The following NAV2 variants were observed in gnomAD, a reference collection of about 807,000 sequenced individuals.
NAV2 encodes helicase, APC down-regulated 1.
In NAV2, 54 loss-of-function variants were observed where a neutral mutation model predicts 223.2. That is an observed-to-expected ratio of 0.24 (90% CI 0.19 to 0.30). The LOEUF (loss-of-function observed/expected upper bound fraction) is 0.30. Ranked by LOEUF, NAV2 falls within the 10% of genes least tolerant of loss-of-function variation. The probability of loss-of-function intolerance (pLI) is 1.00; values close to 1 mark genes in which losing one functional copy is unlikely to be tolerated. For missense variants in NAV2, 2,806 were observed against 3,147.5 expected (o/e 0.89, Z 2.60); for synonymous variants, 1,279 against 1,239.3 (o/e 1.03, Z -0.67).
intron 8 of NAV2, among the ~76,000 whole-genome samples, chr11:19,941,077 T>G (rs1317580991): frequency 6.6e-6 from 1 of 152,166 alleles, no homozygotes; most frequent in Non-Finnish European, 1.5e-5. Context: ...GCAGTGTGGA[T>G]TCCTGTCAGA....
At chr11:20,025,241 G>A (rs1378907351) in intron 11 of NAV2, among the ~76,000 whole-genome samples, 1 of 152,210 alleles carries the variant, frequency 6.6e-6, no homozygotes. Flanking sequence ...ATGGGATGGT[G>A]CTTAGCATGG....
chr11:19,991,220 G>A (rs755825770), intron 11 of NAV2, among the ~76,000 whole-genome samples: 2 of 152,068 alleles, frequency 1.3e-5, no homozygotes, highest in Non-Finnish European at 2.9e-5. Flanking sequence ...CCTCCACCCC[G>A]GCTCAAGTGA....
chr11:20,051,663 C>T (rs149817864), intron 17 of NAV2, among the ~76,000 whole-genome samples: 1 of 152,324 alleles, frequency 6.6e-6, no homozygotes, highest in East Asian at 1.9e-4. Context: ...CATGACCATT[C>T]TGTTAACATG....
intron 1 of NAV2, among the ~76,000 whole-genome samples, chr11:19,382,532 G>A (rs1445492520): frequency 6.6e-6 from 1 of 152,166 alleles, no homozygotes; most frequent in Non-Finnish European, 1.5e-5. Context: ...ACATGACTTT[G>A]CTTCACGGCA....
chr11:19,350,843 G>A, exon 1 of NAV2: 1 of 1,055,580 alleles, frequency 9.5e-7, no homozygotes, highest in East Asian at 2.6e-5. Flanking sequence ...TTCCTTGGCT[G>A]GCGGGAACTC....
Position 19,732,997 on chromosome 11 carries a change from C to G in NAV2, c.267+19035C>G, listed in dbSNP as rs113050167. On this transcript the variant is annotated intron_variant, in intron 1 of 37. Transcript: ENST00000349880. Reference sequence around the variant, plus strand: ...TGGATGCTAGTTTTATTGTCTTGAACACAAAAGCAGCTTTGAAAATGTGGT... The same window carrying G: ...TGGATGCTAGTTTTATTGTCTTGAAGACAAAAGCAGCTTTGAAAATGTGGT... 4.2e-3 allele frequency among the ~76,000 whole-genome samples: 643 copies of G among 152,344 alleles called. 1 individual carries two copies. Among genetic ancestry groups the G allele is most frequent in the South Asian group, 8.9e-3 (43 of 4,828 alleles).
At chr11:19,412,287 C>T (rs961098991) in intron 1 of NAV2, among the ~76,000 whole-genome samples, 3 of 152,206 alleles carry the variant, frequency 2.0e-5, no homozygotes, top group Non-Finnish European at 4.4e-5. Flanking sequence ...TTTCCCCTCA[C>T]AGTGTAAATA....
At chr11:19,356,307 C>T (rs950071023) in intron 1 of NAV2, among the ~76,000 whole-genome samples, 1 of 152,142 alleles carries the variant, frequency 6.6e-6, no homozygotes, top group African/African-American at 2.4e-5. Flanking sequence ...CAGACCAATT[C>T]CCAGCCTTCA....
chr11:19,595,506 A>G (rs1349474818), intron 1 of NAV2, among the ~76,000 whole-genome samples: 2 of 152,050 alleles, frequency 1.3e-5, no homozygotes, highest in Non-Finnish European at 2.9e-5. Flanking sequence ...GGGGTTTTAC[A>G]ACTTGATCAA....
intron 1 of NAV2, among the ~76,000 whole-genome samples, chr11:19,556,359 A>T (rs2044890532): frequency 6.6e-6 from 1 of 152,240 alleles, no homozygotes; most frequent in Non-Finnish European, 1.5e-5. Context: ...GGTTAGCAAC[A>T]CAGGCTACAA....
At chr11:20,089,917 G>T (rs929527980) in intron 26 of NAV2, among the ~76,000 whole-genome samples, 19 of 152,158 alleles carry the variant, frequency 1.2e-4, no homozygotes, top group African/African-American at 4.6e-4. Context: ...GTGCAGCAGG[G>T]AAAAGAAGAT....
At chr11:20,005,426 A>G (rs1298784925) in intron 11 of NAV2, among the ~76,000 whole-genome samples, 1 of 151,756 alleles carries the variant, frequency 6.6e-6, no homozygotes, top group Non-Finnish European at 1.5e-5. Flanking sequence ...TTATATTTTT[A>G]GTAGAGATAG....
chr11:19,687,980 C>G (rs185921809), intron 1 of NAV2, among the ~76,000 whole-genome samples: 153 of 152,306 alleles, frequency 1.0e-3, no homozygotes, highest in Admixed American at 2.4e-3. Context: ...CATCCTCCAT[C>G]CAGGTGAAGT....
intron 1 of NAV2, among the ~76,000 whole-genome samples, chr11:19,447,763 G>A (rs1255383215): frequency 6.6e-6 from 1 of 152,168 alleles, no homozygotes; most frequent in Non-Finnish European, 1.5e-5. Flanking sequence ...GAACTGGGTT[G>A]ACTTGTAAGA....
chr11:19,524,198 A>G (rs2043772809), intron 1 of NAV2, among the ~76,000 whole-genome samples: 1 of 152,170 alleles, frequency 6.6e-6, no homozygotes, highest in Non-Finnish European at 1.5e-5. Context: ...CCAAGCCAGT[A>G]TTTGTTGAGT....
intron 1 of NAV2, among the ~76,000 whole-genome samples, chr11:19,548,017 A>G (rs1030711403): frequency 6.6e-6 from 1 of 152,198 alleles, no homozygotes; most frequent in African/African-American, 2.4e-5. Flanking sequence ...CCAGCCACAC[A>G]TCACCTAGCT....
Position 20,045,178 on chromosome 11 carries a change from C to A in NAV2, c.3410C>A (p.Ala1137Asp). 4 of 1,614,164 alleles carry A rather than the reference C, an allele frequency of 2.5e-6. No homozygotes were observed. Among genetic ancestry groups the A allele is most frequent in the Non-Finnish European group, 3.4e-6 (4 of 1,180,018 alleles). The change falls in exon 14 of 38, where the codon GCC (alanine) becomes GAC (aspartate). Residue 1137 changes from alanine to aspartate, a missense_variant. Transcript: ENST00000349880. ...GCCGCCGGCCTGGCCATGATCACAG[C>A]CAGCGGGGTGACTGTCACCAGCAGG... Reference protein sequence around the residue: ...GSAAGLAMITASGVTVTSRSA... With the variant: ...GSAAGLAMITDSGVTVTSRSA...
chr11:19,346,042 T>G (rs1852987528), upstream of NAV2, among the ~76,000 whole-genome samples: 1 of 152,052 alleles, frequency 6.6e-6, no homozygotes, highest in Non-Finnish European at 1.5e-5. Context: ...TGTCCTCCTC[T>G]CTGTGTGCTA....
At chr11:20,039,994 C>A (rs1373404154) in intron 12 of NAV2, among the ~76,000 whole-genome samples, 1 of 152,184 alleles carries the variant, frequency 6.6e-6, no homozygotes, top group Non-Finnish European at 1.5e-5. Context: ...GTTACTTTTC[C>A]TCTTCAGCCC....
Sources: gnomAD v4.1 joint callset for allele counts (sites outside exome capture counted in the v4.1 genomes callset) on GRCh38, gnomAD v4.1.1 for gene constraint, MANE v1.5 for transcripts, NCBI Gene and HGNC (gene_info 2026-07-23, HGNC 2026-07-21) for gene names.